Variants in NAV1 observed in about 807,000 individuals in gnomAD.
The protein encoded by NAV1 is pore membrane and/or filament interacting like protein 3.
A neutral mutation model predicts 175.2 loss-of-function variants in NAV1; 18 were observed. The observed-to-expected ratio is 0.10, with a 90% CI of 0.07 to 0.15. NAV1 has a LOEUF of 0.15. Ranked by LOEUF, NAV1 falls within the 10% of genes least tolerant of loss-of-function variation. NAV1 has a pLI of 1.00. For synonymous variants in NAV1, 897 were observed against 978.7 expected (o/e 0.92, Z 1.56); for missense variants, 1,731 against 2,436.6 (o/e 0.71, Z 6.10).
At chr1:201,620,218 C>T (rs901976816), upstream of NAV1, among the ~76,000 whole-genome samples, 1 of 152,172 alleles carries the variant, frequency 6.6e-6, no homozygotes. Flanking sequence ...CAGCTTTCTC[C>T]ACAATATGGA....
chr1:201,739,888 C>G, intron 3 of NAV1: 1 of 1,285,230 alleles, frequency 7.8e-7, no homozygotes, highest in Non-Finnish European at 9.9e-7. Context: ...GAGCGGAGGG[C>G]AGGCGAGGGT....
chr1:201,580,634 G>A (rs1239062821), intron 1 of NAV1, among the ~76,000 whole-genome samples: 5 of 152,166 alleles, frequency 3.3e-5, no homozygotes, highest in African/African-American at 4.8e-5. Flanking sequence ...ATAGCTGGGC[G>A]TGGTGGCGCA....
intron 3 of NAV1, among the ~76,000 whole-genome samples, chr1:201,775,166 A>G (rs1202355819): frequency 1.3e-5 from 2 of 152,170 alleles, no homozygotes; most frequent in Admixed American, 6.5e-5. Flanking sequence ...CCCTCCATTA[A>G]CAGAAGACTG....
intron 1 of NAV1, among the ~76,000 whole-genome samples, chr1:201,661,251 G>C (rs976397300): frequency 3.9e-5 from 6 of 152,032 alleles, no homozygotes; most frequent in African/African-American, 1.4e-4. Context: ...TTAGAGCCCA[G>C]GCCTATAGGA....
At chr1:201,708,785 C>T (rs1671776435) in intron 1 of NAV1, among the ~76,000 whole-genome samples, 2 of 152,200 alleles carry the variant, frequency 1.3e-5, no homozygotes, top group African/African-American at 4.8e-5. Flanking sequence ...AGGCCTGTCC[C>T]ACACCCAGAG....
exon 21 of NAV1, chr1:201,809,238 C>G (rs1571514881): frequency 1.2e-6 from 2 of 1,613,840 alleles, no homozygotes; most frequent in East Asian, 4.5e-5. Flanking sequence ...GGTGAGGATG[C>G]CCCCGCAGCA....
rs115398258 is a variant in NAV1, at chr1:201,799,548, G to A, written c.3518-4045G>A. Among the ~76,000 whole-genome samples, 246 of 152,206 alleles carry A rather than the reference G, an allele frequency of 1.6e-3. 1 individual carries two copies. Among genetic ancestry groups the A allele is most frequent in the African/African-American group, 5.8e-3 (240 of 41,532 alleles). On this transcript the variant is annotated intron_variant, in intron 15 of 29. Coordinates refer to ENST00000367296, the Ensembl canonical transcript of NAV1. ...TTTGAAGATTGCTTGATTCTGCAAC[G>A]TATCATTTGCTCTTAAAAGTACTAC...
At chr1:201,677,268 AAG>A (rs1204103300) in intron 1 of NAV1, among the ~76,000 whole-genome samples, 1 of 147,946 alleles carries the variant, frequency 6.8e-6, no homozygotes, top group East Asian at 1.9e-4. Flanking sequence ...AAAAAAAAAA[AAG>A]AATTGCTGGC....
At chr1:201,675,294 A>G (rs1390246011) in intron 1 of NAV1, among the ~76,000 whole-genome samples, 1 of 152,146 alleles carries the variant, frequency 6.6e-6, no homozygotes, top group Non-Finnish European at 1.5e-5. Context: ...ACAAAACCAT[A>G]AAAGCCACAA....
At position 201,813,118 on chromosome 1, in the gene NAV1, A is replaced by G. The variant is rs1432683919; in HGVS notation, c.5222-22A>G. The G allele has an allele frequency of 4.5e-6, 7 of 1,570,534 alleles. No homozygotes were observed. Among genetic ancestry groups the G allele is most frequent in the Middle Eastern group, 1.7e-4 (1 of 5,736 alleles). On this transcript the variant is annotated intron_variant, in intron 27 of 29. Transcript: ENST00000367296. The surrounding 1 kb of genome is among the most constrained non-coding windows in gnomAD (Gnocchi z 4.2). ...AAGATCTAGGTTCCCAGCCATCTTC[A>G]TGGCCCCATCCTCTTCCCTAGGCCC...
At chr1:201,657,133 A>G (rs1223905748) in intron 1 of NAV1, among the ~76,000 whole-genome samples, 6 of 152,252 alleles carry the variant, frequency 3.9e-5, no homozygotes, top group African/African-American at 1.4e-4. Context: ...CAAAAGAATC[A>G]GTAATCTAAT....
chr1:201,771,249 A>AAC lies in NAV1; in HGVS notation c.1227-9171_1227-9170insCA, dbSNP rs113162567. Among the ~76,000 whole-genome samples, 679 of 151,276 alleles carry AAC rather than the reference A, an allele frequency of 4.5e-3. 15 individuals are homozygous for AAC. The highest frequency in any genetic ancestry group is 0.016 in the African/African-American group (644 of 41,086). On this transcript the variant is annotated intron_variant, in intron 3 of 29. Transcript: ENST00000367296. ...GCGAGACTCCGTCTCAAAAAAAAAA[A>AAC]AAAAAACATCTGGTGATTTGGGAGG...
chr1:201,611,543 G>A (rs894783690), intron 2 of NAV1, among the ~76,000 whole-genome samples: 2 of 152,218 alleles, frequency 1.3e-5, no homozygotes, highest in Admixed American at 6.5e-5. Context: ...CTGGAGTGGG[G>A]GAGTCACCCC....
intron 3 of NAV1, among the ~76,000 whole-genome samples, chr1:201,725,685 G>A (rs1672578009): frequency 6.6e-6 from 1 of 151,494 alleles, no homozygotes; most frequent in South Asian, 2.1e-4. Context: ...GCTAGGCGCA[G>A]TGGCTTATGT....
chr1:201,800,076 T>G (rs1677754058), intron 15 of NAV1, among the ~76,000 whole-genome samples: 1 of 152,076 alleles, frequency 6.6e-6, no homozygotes, highest in Non-Finnish European at 1.5e-5. Context: ...CGCAGCTCAC[T>G]GCAGCCTCGA....
At chr1:201,653,511 G>A (rs1028846123) in intron 1 of NAV1, among the ~76,000 whole-genome samples, 1 of 152,028 alleles carries the variant, frequency 6.6e-6, no homozygotes. Flanking sequence ...GGGGGGAGGG[G>A]CAGTGCAAGG....
At chr1:201,792,141 T>A (rs915836787) in intron 13 of NAV1, 2 of 152,006 alleles carry the variant, frequency 1.3e-5, no homozygotes, top group Non-Finnish European at 2.9e-5. Context: ...GAGAACAAAC[T>A]AAACACCCAG....
At chr1:201,706,121 C>T (rs1224447209) in intron 1 of NAV1, among the ~76,000 whole-genome samples, 3 of 152,156 alleles carry the variant, frequency 2.0e-5, no homozygotes, top group Non-Finnish European at 4.4e-5. Flanking sequence ...ATTGTAAGCA[C>T]CAGACGATCA....
At chr1:201,709,010 G>A (rs1049740050) in intron 1 of NAV1, among the ~76,000 whole-genome samples, 20 of 152,158 alleles carry the variant, frequency 1.3e-4, no homozygotes, top group East Asian at 1.9e-4. Context: ...TTAGCCAGGC[G>A]TGATGGGGCA....
Sources: gnomAD v4.1 joint callset for allele counts (sites outside exome capture counted in the v4.1 genomes callset) on GRCh38, gnomAD v4.1.1 for gene constraint, Gnocchi (gnomAD v3.1) non-coding constraint, MANE v1.5 for transcripts, NCBI Gene and HGNC (gene_info 2026-07-23, HGNC 2026-07-21) for gene names.